The following ZNF35 variants were observed in gnomAD, a reference collection of about 807,000 sequenced individuals.
ZNF35 encodes the protein zinc finger protein 35, also known as zinc finger protein 35 (clone HF.10).
A neutral mutation model predicts 45.9 loss-of-function variants in ZNF35; 31 were observed. The ratio of observed to expected loss-of-function variants is 0.68; its 90% CI spans 0.51 to 0.91. The LOEUF (loss-of-function observed/expected upper bound fraction) is 0.91. ZNF35 is among the 40% of genes least tolerant of loss of function. The probability of loss-of-function intolerance (pLI) is 0.00; values close to 1 mark genes in which losing one functional copy is unlikely to be tolerated. For synonymous variants in ZNF35, 205 were observed against 220.2 expected, an observed-to-expected ratio of 0.93 and a Z score of 0.61; for missense variants, 515 against 625.4, an observed-to-expected ratio of 0.82 and a Z score of 1.88.
chr3:44,650,547 A>C (rs1703182726), intron 1 of ZNF35, among the ~76,000 whole-genome samples: 1 of 152,268 alleles, frequency 6.6e-6, no homozygotes. Flanking sequence ...TTGTAAAATC[A>C]TAATTATTAG....
chr3:44,660,220 G>A lies in ZNF35; in HGVS notation c.*273G>A, dbSNP rs1372894138. 7.2e-5 allele frequency: 22 copies of A among 303,684 alleles called. No homozygotes were observed. Among genetic ancestry groups the A allele is most frequent in the Admixed American group, 3.1e-4 (7 of 22,644 alleles). 18.8% of individuals were successfully genotyped at this position (303,684 alleles called of 1,614,324 possible). ...AATGTGGCTTTCCTAGGAATGGGTC[G>A]TACAAAGCTAAGTGGTAATGATGCT... On this transcript the variant is annotated 3_prime_UTR_variant, in exon 4 of 4. Coordinates refer to ENST00000396056, the MANE Select transcript of ZNF35 (RefSeq NM_003420.4).
rs1703364700 is a variant in ZNF35, at chr3:44,659,446, C to A, written c.1083C>A (p.Pro361=). The change falls in exon 4 of 4, where the codon CCC becomes CCA. Residue 361 remains proline (P), a synonymous_variant. Coordinates refer to ENST00000396056, the MANE Select transcript of ZNF35 (RefSeq NM_003420.4). This position sits in a 1 kb window ranked among gnomAD's most constrained non-coding sequence, Gnocchi z 4.3. The part of the protein sequence containing the change: ...VHQRIHTGEK[P]FACNDCGKAF... ...AGAGGATCCACACTGGGGAGAAGCC[C>A]TTTGCCTGTAACGACTGTGGCAAAG... is the stretch of plus-strand genomic sequence containing the variant. 1.2e-6 allele frequency: 2 copies of A among 1,613,702 alleles called. No homozygotes were observed. Among genetic ancestry groups the A allele is most frequent in the Non-Finnish European group, 1.7e-6 (2 of 1,179,814 alleles).
intron 3 of ZNF35, 87 bp downstream of exon 3, chr3:44,652,788 T>C (rs1703227956): frequency 1.3e-5 from 18 of 1,371,240 alleles, no homozygotes; most frequent in South Asian, 1.6e-5. Flanking sequence ...GTCTCCTAGG[T>C]TGACCAACAG....
intron 3 of ZNF35, 42 bp from the exon 4 acceptor site, chr3:44,658,659 C>T: frequency 6.6e-7 from 1 of 1,522,274 alleles, no homozygotes; most frequent in Non-Finnish European, 8.8e-7. Context: ...TTTTTCTAGG[C>T]CAGAGAAAGC....
chr3:44,650,269 C>T (rs1178627227), intron 1 of ZNF35, among the ~76,000 whole-genome samples: 3 of 151,856 alleles, frequency 2.0e-5, no homozygotes, highest in Non-Finnish European at 4.4e-5. Context: ...TTTTATCTCA[C>T]AGGACATTTG....
At chr3:44,649,506 T>A (rs554940229) in intron 1 of ZNF35, among the ~76,000 whole-genome samples, 54 of 152,268 alleles carry the variant, frequency 3.5e-4, no homozygotes, top group Admixed American at 2.9e-3. Flanking sequence ...AAAATTTCAA[T>A]CTCTTCATAA....
intron 1 of ZNF35, among the ~76,000 whole-genome samples, chr3:44,649,513 A>C (rs1448719749): frequency 1.3e-5 from 2 of 152,202 alleles, no homozygotes; most frequent in Non-Finnish European, 2.9e-5. Context: ...CAATCTCTTC[A>C]TAAGCAATCA....
intron 3 of ZNF35, among the ~76,000 whole-genome samples, chr3:44,656,086 G>C (rs1703295197): frequency 6.6e-6 from 1 of 152,100 alleles, no homozygotes; most frequent in African/African-American, 2.4e-5. Context: ...AGAATAAAGT[G>C]GGATGTAGGT....
intron 3 of ZNF35, among the ~76,000 whole-genome samples, chr3:44,656,956 C>T (rs1469240829): frequency 6.6e-6 from 1 of 152,184 alleles, no homozygotes; most frequent in Non-Finnish European, 1.5e-5. Flanking sequence ...CTCAGCCTCC[C>T]GAAGTGCTGG....
chr3:44,659,498 G>C lies in ZNF35; in HGVS notation c.1135G>C (p.Val379Leu). Reference sequence around the variant, plus strand: ...CTTTACCCAGAGTGCAAATCTTATTGTACATCAGCGAAGCCATACTGGTGA... The same window carrying C: ...CTTTACCCAGAGTGCAAATCTTATTCTACATCAGCGAAGCCATACTGGTGA... ...KAFTQSANLI[V>L]HQRSHTGEKP... Residue 379 changes from valine (V) to leucine (L), a missense_variant, in exon 4 of 4, where the codon GTA becomes CTA. Coordinates refer to ENST00000396056, the MANE Select transcript of ZNF35 (RefSeq NM_003420.4). The surrounding 1 kb of genome is among the most constrained non-coding windows in gnomAD (Gnocchi z 4.3). 6.2e-7 allele frequency: 1 copy of C among 1,613,412 alleles called. No individual in the cohort carries two copies. Among genetic ancestry groups the C allele is most frequent in the Non-Finnish European group, 8.5e-7 (1 of 1,179,858 alleles).
At chr3:44,654,460 C>T (rs1395302874) in intron 3 of ZNF35, among the ~76,000 whole-genome samples, 4 of 152,142 alleles carry the variant, frequency 2.6e-5, no homozygotes, top group African/African-American at 7.2e-5. Flanking sequence ...GATTTGTTGG[C>T]GGCCTCCTTC....
chr3:44,646,798 C>T (rs1702983328), upstream of ZNF35: 2 of 371,842 alleles, frequency 5.4e-6, no homozygotes, highest in South Asian at 8.4e-5. Context: ...AATAGACTCA[C>T]ATAAATGGCC....
intron 3 of ZNF35, among the ~76,000 whole-genome samples, chr3:44,654,898 C>T (rs1452904383): frequency 2.0e-5 from 3 of 152,082 alleles, no homozygotes; most frequent in South Asian, 2.1e-4. Flanking sequence ...CTTTGGGAGG[C>T]GGAGGCGGGT....
intron 1 of ZNF35, among the ~76,000 whole-genome samples, chr3:44,649,181 C>G (rs183404319): frequency 5.9e-5 from 9 of 152,322 alleles, no homozygotes; most frequent in Admixed American, 5.9e-4. Context: ...CGTCTGGGAC[C>G]GGAGGTCCGT....
intron 3 of ZNF35, among the ~76,000 whole-genome samples, chr3:44,655,563 G>A (rs1575516356): frequency 6.6e-6 from 1 of 152,014 alleles, no homozygotes; most frequent in African/African-American, 2.4e-5. Context: ...AATCCTACAT[G>A]TTTTTTAAAA....
intron 3 of ZNF35, among the ~76,000 whole-genome samples, chr3:44,654,610 T>C (rs1703264450): frequency 6.6e-6 from 1 of 152,218 alleles, no homozygotes; most frequent in East Asian, 1.9e-4. Context: ...TTGGAAATTG[T>C]GATGTGTTAC....
rs1703380717 is a variant in ZNF35 at position 44,660,505 on chromosome 3, T to C, written c.*558T>C. ...AAACTTTACTGAAAATGGACAGAAA[T>C]AGGAAATGGACTTTTTCCTTACTGT... On this transcript the variant is annotated 3_prime_UTR_variant, in exon 4 of 4. Transcript: ENST00000396056. 1 of 152,932 alleles carries C rather than the reference T, an allele frequency of 6.5e-6. No homozygotes were observed. Among genetic ancestry groups the C allele is most frequent in the African/African-American group, 2.4e-5 (1 of 41,440 alleles). The allele number at this position is 152,932 out of a possible 1,614,324, so 9.5% of individuals were successfully genotyped here.
intron 3 of ZNF35, among the ~76,000 whole-genome samples, chr3:44,656,717 T>G (rs1270598402): frequency 6.6e-5 from 9 of 137,112 alleles, no homozygotes; most frequent in Non-Finnish European, 1.2e-4. Flanking sequence ...TGAGATAGAG[T>G]CTTGCTTTGT....
At position 44,656,687 on chromosome 3, in the gene ZNF35, C is replaced by CT. The variant is rs530605241; in HGVS notation, c.338-1998dup. Among the ~76,000 whole-genome samples the CT allele has an allele frequency of 4.6e-3, 616 of 134,810 alleles. 2 individuals are homozygous for CT. The highest frequency in any genetic ancestry group is 5.1e-3 in the Admixed American group (68 of 13,448). The allele number at this position is 134,810 out of a possible 152,430, so 88.4% of individuals were successfully genotyped here. On this transcript the variant is annotated intron_variant, in intron 3 of 3. Transcript: ENST00000396056. ...GGATTACATGAGCCACTGCACCCGGCTTTTTTTTTTTTTTTTCTTTGAGAT... is the reference window on the plus strand; with the variant it reads ...GGATTACATGAGCCACTGCACCCGGCTTTTTTTTTTTTTTTTTCTTTGAGAT...
Sources: gnomAD v4.1 joint callset for allele counts (sites outside exome capture counted in the v4.1 genomes callset) on GRCh38, gnomAD v4.1.1 for gene constraint, Gnocchi (gnomAD v3.1) non-coding constraint, MANE v1.5 for transcripts, NCBI Gene and HGNC (gene_info 2026-07-23, HGNC 2026-07-21) for gene names.